The following PLAGL1 variants were observed in gnomAD, a reference collection of about 807,000 sequenced individuals.
The protein encoded by PLAGL1 is zinc finger protein PLAGL1.
Under a neutral mutation model 4.6 loss-of-function variants are expected in PLAGL1, and 1 was observed. The observed-to-expected ratio is 0.22, with a 90% CI of 0.08 to 1.03. The LOEUF (loss-of-function observed/expected upper bound fraction) is 1.03, where lower values mean the gene tolerates loss of function less well. Ranked by LOEUF, PLAGL1 falls within the 50% of genes least tolerant of loss-of-function variation. The probability of loss-of-function intolerance (pLI) is 0.58; values close to 1 mark genes in which losing one functional copy is unlikely to be tolerated. For missense variants in PLAGL1, 464 were observed against 570.4 expected (o/e 0.81, Z 1.90); for synonymous variants, 240 against 237.8 (o/e 1.01, Z -0.08).
rs1788870493 is a variant in PLAGL1 at position 143,985,740 on chromosome 6, T to A, written c.-583-566A>T. On this transcript the variant is annotated intron_variant, in intron 1 of 7. Coordinates refer to ENST00000674357, the MANE Select transcript of PLAGL1 (RefSeq NM_001317162.2). The surrounding 1 kb of genome is among the most constrained non-coding windows in gnomAD (Gnocchi z 4.4). ...CTCCAGGGAGAAGTTTTTCTCATTG[T>A]TAGCATGGCATAGATCACTCATTTC... Among the ~76,000 whole-genome samples the A allele has an allele frequency of 6.6e-6, 1 of 151,856 alleles. No individual in the cohort carries two copies. Among genetic ancestry groups the A allele is most frequent in the Non-Finnish European group, 1.5e-5 (1 of 67,950 alleles).
intron 7 of PLAGL1, among the ~76,000 whole-genome samples, chr6:143,943,833 T>C (rs1779174038): frequency 6.6e-6 from 1 of 152,224 alleles, no homozygotes; most frequent in Non-Finnish European, 1.5e-5. Context: ...AAATTAGTTA[T>C]GGAAAGCCAT....
Position 143,952,375 on chromosome 6 carries a change from G to A in PLAGL1, c.-324-3915C>T, listed in dbSNP as rs1482184697. Among the ~76,000 whole-genome samples the A allele has an allele frequency of 1.3e-5, 2 of 152,158 alleles. No individual in the cohort carries two copies. Among genetic ancestry groups the A allele is most frequent in the East Asian group, 1.9e-4 (1 of 5,180 alleles). The stretch of plus-strand genomic sequence containing the variant: ...GAAATTGCATTTGAGTCTTAAATAC[G>A]GTGCTATTTCAACACCTGTCACCCT... On this transcript the variant is annotated intron_variant, in intron 6 of 7. Transcript: ENST00000674357. The surrounding 1 kb of genome is among the most constrained non-coding windows in gnomAD (Gnocchi z 6.1).
Position 143,942,652 on chromosome 6 carries a change from G to A in PLAGL1, c.164C>T (p.Thr55Ile). The stretch of plus-strand genomic sequence containing the variant: ...CTGGTGAGATTTCTGGGGAGAATGG[G>A]TAGCCATATGCCTAGGAGCAGAAGG... ...SRYKLMRHMA[T>I]HSPQKSHQCA... Residue 55 changes from threonine (T) to isoleucine (I), a missense_variant, in exon 8 of 8, where the codon ACC (threonine) becomes ATC (isoleucine). Thr to Ile is a moderately conservative substitution (Grantham distance 89, BLOSUM62 -1). Around this residue, in one of 4 missense-constraint regions of PLAGL1, gnomAD observed 161 missense variants for 196.7 expected, o/e 0.82. Coordinates refer to ENST00000674357, the MANE Select transcript of PLAGL1 (RefSeq NM_001317162.2). The surrounding 1 kb of genome is among the most constrained non-coding windows in gnomAD (Gnocchi z 7.6). The A allele has an allele frequency of 1.9e-6, 3 of 1,613,022 alleles. No individual in the cohort carries two copies. The highest frequency in any genetic ancestry group is 2.5e-6 in the Non-Finnish European group (3 of 1,179,440).
Position 144,005,648 on chromosome 6 carries a change from G to A in PLAGL1, c.-584+2442C>T, listed in dbSNP as rs1344168467. Reference sequence around the variant, plus strand: ...ATAGTAGAGTATCTTAAGACAAAAAGCATAAGGATTAATGTCTACAGTTTA... The same window carrying A: ...ATAGTAGAGTATCTTAAGACAAAAAACATAAGGATTAATGTCTACAGTTTA... On this transcript the variant is annotated intron_variant, in intron 1 of 7. Coordinates refer to ENST00000674357, the MANE Select transcript of PLAGL1 (RefSeq NM_001317162.2). The surrounding 1 kb of genome is among the most constrained non-coding windows in gnomAD (Gnocchi z 4.6). 3.3e-5 allele frequency: 5 copies of A among 151,956 alleles called. No individual in the cohort carries two copies. The highest frequency in any genetic ancestry group is 2.1e-4 in the South Asian group (1 of 4,828). The allele number at this position is 151,956 out of a possible 1,614,324, so 9.4% of individuals were successfully genotyped here.
At chr6:144,052,125 C>A (rs1307894166) in intron 1 of PLAGL1, among the ~76,000 whole-genome samples, 3 of 152,030 alleles carry the variant, frequency 2.0e-5, no homozygotes, top group Non-Finnish European at 4.4e-5. Context: ...ATGACATGAT[C>A]CTAGGTTGCT....
intron 1 of PLAGL1, among the ~76,000 whole-genome samples, chr6:144,003,089 G>C (rs1793267422): frequency 6.6e-6 from 1 of 152,070 alleles, no homozygotes. Flanking sequence ...GGAAAGAACA[G>C]AGTCCAGAAA....
intron 1 of PLAGL1, among the ~76,000 whole-genome samples, chr6:144,044,393 G>A (rs1797970042): frequency 2.0e-5 from 3 of 152,156 alleles, no homozygotes; most frequent in Admixed American, 1.3e-4. Context: ...GTTCTCATTG[G>A]TTTCAAAGAA....
chr6:144,027,842 A>G lies in PLAGL1; in HGVS notation c.-151+36626T>C, dbSNP rs548821536. Among the ~76,000 whole-genome samples the G allele has an allele frequency of 6.6e-5, 10 of 152,326 alleles. No homozygotes were observed. The highest frequency in any genetic ancestry group is 2.4e-4 in the African/African-American group (10 of 41,576). On this transcript the variant is annotated intron_variant, in intron 1 of 3. Coordinates refer to the PLAGL1 transcript ENST00000437412. The surrounding 1 kb of genome is among the most constrained non-coding windows in gnomAD (Gnocchi z 5.8). ...TCCAGTCTTGCAAATATGTGCACAG[A>G]CTCACATATAAGGTCCTAAAGAAAG...
rs990513973 is a variant in PLAGL1, at chr6:144,022,461, G to A, written c.-151+42007C>T. Among the ~76,000 whole-genome samples, 47 of 152,184 alleles carry A rather than the reference G, an allele frequency of 3.1e-4. No individual in the cohort carries two copies. Among genetic ancestry groups the A allele is most frequent in the Admixed American group, 2.8e-3 (42 of 15,270 alleles). The stretch of plus-strand genomic sequence containing the variant: ...AATGCAAAATGGTACAGCCACTTTG[G>A]AAGACAGTTTGGCAATTTATTACAA... On this transcript the variant is annotated intron_variant, in intron 1 of 3. Transcript: ENST00000437412. The surrounding 1 kb of genome is among the most constrained non-coding windows in gnomAD (Gnocchi z 4.2).
Position 143,948,874 on chromosome 6 carries a change from G to A in PLAGL1, c.-324-414C>T, listed in dbSNP as rs886943891. 9.2e-5 allele frequency among the ~76,000 whole-genome samples: 14 copies of A among 152,054 alleles called. No individual in the cohort carries two copies. Among genetic ancestry groups the A allele is most frequent in the Admixed American group, 7.2e-4 (11 of 15,256 alleles). On this transcript the variant is annotated intron_variant, in intron 6 of 7. Transcript: ENST00000674357. The surrounding 1 kb of genome is among the most constrained non-coding windows in gnomAD (Gnocchi z 6.0). Reference sequence around the variant, plus strand: ...AATCACCCACACTTACTCAAACCACGGGCTCTTCCTCATCACTCATTGTTG... The same window carrying A: ...AATCACCCACACTTACTCAAACCACAGGCTCTTCCTCATCACTCATTGTTG...
In PLAGL1 at chr6:143,953,033, T is replaced by C. The variant is rs918903566; in HGVS notation, c.-324-4573A>G. Among the ~76,000 whole-genome samples, 5 of 152,264 alleles carry C rather than the reference T, an allele frequency of 3.3e-5. No individual in the cohort carries two copies. Among genetic ancestry groups the C allele is most frequent in the Admixed American group, 2.0e-4 (3 of 15,292 alleles). On this transcript the variant is annotated intron_variant, in intron 6 of 7. Transcript: ENST00000674357. The surrounding 1 kb of genome is among the most constrained non-coding windows in gnomAD (Gnocchi z 5.3). ...CAAGGCCAAGGATCACTCCACTTGC[T>C]GTTTCCTTAAAGTGCTACTTTCTCT... is the stretch of plus-strand genomic sequence containing the variant.
intron 1 of PLAGL1, among the ~76,000 whole-genome samples, chr6:144,049,073 C>A (rs1798393813): frequency 6.6e-6 from 1 of 152,240 alleles, no homozygotes; most frequent in South Asian, 2.1e-4. Context: ...TTGCACAGAT[C>A]TCTAGGGCAG....
chr6:144,054,757 A>C (rs892143210), intron 1 of PLAGL1, among the ~76,000 whole-genome samples: 6 of 145,896 alleles, frequency 4.1e-5, no homozygotes, highest in Non-Finnish European at 5.9e-5. Context: ...GCATAAAAGA[A>C]AAAGAAAAAC....
In PLAGL1 at chr6:143,961,563, G is replaced by A. The variant is rs1783383425; in HGVS notation, c.-398-1021C>T. 6.6e-6 allele frequency among the ~76,000 whole-genome samples: 1 copy of A among 152,194 alleles called. No individual in the cohort carries two copies. Among genetic ancestry groups the A allele is most frequent in the Non-Finnish European group, 1.5e-5 (1 of 68,032 alleles). On this transcript the variant is annotated intron_variant, in intron 5 of 7. Coordinates refer to ENST00000674357, the MANE Select transcript of PLAGL1 (RefSeq NM_001317162.2). The surrounding 1 kb of genome is among the most constrained non-coding windows in gnomAD (Gnocchi z 6.5). ...TGCATCACAATACAGGAAAATACTG[G>A]AGGTGAGCAGGTTATTTGCCTGAGT... is the stretch of plus-strand genomic sequence containing the variant.
Position 143,942,327 on chromosome 6 carries a change from T to C in PLAGL1, c.489A>G (p.Arg163=). 2 of 1,614,052 alleles carry C rather than the reference T, an allele frequency of 1.2e-6. No individual in the cohort carries two copies. The highest frequency in any genetic ancestry group is 1.6e-4 in the Middle Eastern group (1 of 6,062). ...GCACATCCTTCCGGGTGTAGAAGCA[T>C]CTTTCACAGTGGTCGCACTGGTGCT... ...EKKHQCDHCE[R]CFYTRKDVRR... The change falls in exon 8 of 8, where the codon AGA becomes AGG. Residue 163 remains arginine (R), a synonymous_variant. Transcript: ENST00000674357. This position sits in a 1 kb window ranked among gnomAD's most constrained non-coding sequence, Gnocchi z 7.6.
chr6:143,963,040 G>A lies in PLAGL1; in HGVS notation c.-399+1747C>T, dbSNP rs1010141277. 6.6e-6 allele frequency among the ~76,000 whole-genome samples: 1 copy of A among 152,174 alleles called. No individual in the cohort carries two copies. Among genetic ancestry groups the A allele is most frequent in the Admixed American group, 6.5e-5 (1 of 15,276 alleles). On this transcript the variant is annotated intron_variant, in intron 5 of 7. Coordinates refer to ENST00000674357, the MANE Select transcript of PLAGL1 (RefSeq NM_001317162.2). The surrounding 1 kb of genome is among the most constrained non-coding windows in gnomAD (Gnocchi z 6.1). ...AACAATGAGATTATTTCTTTGAAAT[G>A]AAGCCTGAGTGGGATATTCAGATTC...
At position 144,057,966 on chromosome 6, in the gene PLAGL1, G is replaced by A. The variant is rs982774958; in HGVS notation, c.-151+6502C>T. Among the ~76,000 whole-genome samples the A allele has an allele frequency of 2.0e-5, 3 of 152,160 alleles. No homozygotes were observed. In the East Asian group the frequency reaches 5.8e-4, roughly 29 times the overall value. ...ATACTTGACCATCTCTAATAAGATT[G>A]ACTCCAAATTTATACACCTATACTA... On this transcript the variant is annotated intron_variant, in intron 1 of 3. Coordinates refer to the PLAGL1 transcript ENST00000437412.
chr6:143,978,796 C>T lies in PLAGL1; in HGVS notation c.-544+6339G>A, dbSNP rs971095964. Among the ~76,000 whole-genome samples the T allele has an allele frequency of 6.6e-6, 1 of 152,088 alleles. No homozygotes were observed. The highest frequency in any genetic ancestry group is 1.5e-5 in the Non-Finnish European group (1 of 68,002). On this transcript the variant is annotated intron_variant, in intron 2 of 7. Coordinates refer to ENST00000674357, the MANE Select transcript of PLAGL1 (RefSeq NM_001317162.2). This position sits in a 1 kb window ranked among gnomAD's most constrained non-coding sequence, Gnocchi z 4.6. ...AAGTGTGCAGTTTGCTGTTGAGTAGCGTTCTATAAACGCCAATTAAGTCAA... is the reference window on the plus strand; with the variant it reads ...AAGTGTGCAGTTTGCTGTTGAGTAGTGTTCTATAAACGCCAATTAAGTCAA...
intron 1 of PLAGL1, among the ~76,000 whole-genome samples, chr6:144,058,005 T>A (rs1401887206): frequency 6.6e-6 from 1 of 152,206 alleles, no homozygotes; most frequent in Non-Finnish European, 1.5e-5. Context: ...CTAAAATTGG[T>A]GTCATTTCCA....
Sources: allele counts gnomAD v4.1 joint callset (sites outside exome capture counted in the v4.1 genomes callset), GRCh38; gene constraint gnomAD v4.1.1; regional missense constraint gnomAD v4.1.1; non-coding constraint Gnocchi (gnomAD v3.1); transcripts MANE v1.5; gene names NCBI Gene and HGNC (gene_info 2026-07-23, HGNC 2026-07-21).